FBXW10: variants seen among roughly 807,000 people sequenced by gnomAD.
FBXW10 encodes F-box/WD repeat-containing protein 10.
A neutral mutation model predicts 113.1 loss-of-function variants in FBXW10; 68 were observed. The ratio of observed to expected loss-of-function variants is 0.60; its 90% CI spans 0.49 to 0.74. FBXW10 has a LOEUF of 0.74. FBXW10 is among the 30% of genes least tolerant of loss of function. FBXW10 has a pLI of 0.00. For synonymous variants in FBXW10, 289 were observed against 481.6 expected, an observed-to-expected ratio of 0.60 and a Z score of 5.24; for missense variants, 753 against 1,284.5, an observed-to-expected ratio of 0.59 and a Z score of 6.32.
At chr17:18,766,068 C>T (rs1375485028) in intron 8 of FBXW10, among the ~76,000 whole-genome samples, 2 of 152,156 alleles carry the variant, frequency 1.3e-5, no homozygotes, top group Non-Finnish European at 2.9e-5. Flanking sequence ...GCCACCCACC[C>T]ACCCACTCTC....
intron 1 of FBXW10, among the ~76,000 whole-genome samples, chr17:18,746,118 C>T (rs2035034238): frequency 6.6e-6 from 1 of 152,074 alleles, no homozygotes; most frequent in African/African-American, 2.4e-5. Flanking sequence ...CCAGCTCTTG[C>T]TCGAACTATA....
At chr17:18,759,918 G>C (rs1394777541) in intron 7 of FBXW10, among the ~76,000 whole-genome samples, 2 of 152,048 alleles carry the variant, frequency 1.3e-5, no homozygotes, top group African/African-American at 2.4e-5. Context: ...CCGGGCCCTT[G>C]TTTCTAGTTT....
intron 7 of FBXW10, among the ~76,000 whole-genome samples, chr17:18,762,280 G>A (rs551456563): frequency 6.0e-5 from 9 of 149,034 alleles, no homozygotes; most frequent in African/African-American, 2.2e-4. Flanking sequence ...GTTTTTCTAC[G>A]TAGACAATCC....
At chr17:18,772,812 ATAAATCC>A in intron 12 of FBXW10, 129 bp downstream of exon 12, 1 of 755,424 alleles carries the variant, frequency 1.3e-6, no homozygotes, top group Non-Finnish European at 2.2e-6. Context: ...TCCTGAGGAT[ATAAATCC>A]TAACCCTCCA....
At chr17:18,746,640 G>A (rs2035042666) in intron 1 of FBXW10, among the ~76,000 whole-genome samples, 1 of 152,158 alleles carries the variant, frequency 6.6e-6, no homozygotes. Context: ...AAGTTAGACT[G>A]GAGATCAACC....
At chr17:18,760,632 C>T (rs1335416367) in intron 7 of FBXW10, among the ~76,000 whole-genome samples, 4 of 152,208 alleles carry the variant, frequency 2.6e-5, no homozygotes, top group South Asian at 2.1e-4. Flanking sequence ...GGAGAAACCC[C>T]GTCTCTACTA....
intron 13 of FBXW10, among the ~76,000 whole-genome samples, chr17:18,775,781 G>A (rs1257305471): frequency 2.0e-5 from 3 of 152,098 alleles, no homozygotes; most frequent in African/African-American, 4.8e-5. Context: ...TAATTCCAGT[G>A]CTTTGGGAGA....
At chr17:18,756,340 G>A (rs527434565) in intron 6 of FBXW10, among the ~76,000 whole-genome samples, 186 bp downstream of exon 6, 2 of 152,290 alleles carry the variant, frequency 1.3e-5, no homozygotes, top group South Asian at 2.1e-4. Context: ...CTTGGCAGTG[G>A]GTAAAGGACA....
At chr17:18,778,036 G>C (rs2035734696) in intron 13 of FBXW10, among the ~76,000 whole-genome samples, 2 of 151,568 alleles carry the variant, frequency 1.3e-5, no homozygotes. Flanking sequence ...GGATCACGAG[G>C]TCAGGAGATC....
At chr17:18,764,502 C>T (rs567087323) in intron 7 of FBXW10, among the ~76,000 whole-genome samples, 2 of 152,144 alleles carry the variant, frequency 1.3e-5, no homozygotes, top group East Asian at 1.9e-4. Flanking sequence ...GCCTGACCAA[C>T]GACTCTTATT....
chr17:18,775,204 G>C lies in FBXW10; in HGVS notation c.2335+12G>C. 1 of 1,584,110 alleles carries C rather than the reference G, an allele frequency of 6.3e-7. No individual in the cohort carries two copies. The highest frequency in any genetic ancestry group is 8.7e-7 in the Non-Finnish European group (1 of 1,152,726). On this transcript the variant is annotated intron_variant, in intron 13 of 13. Coordinates refer to ENST00000395665, the MANE Select transcript of FBXW10 (RefSeq NM_001267585.2). ...ACCCCGAAGAGATGGTAAGAAGAGAGTTTATTCTGTTCATAAGGGAACAAG... is the reference window on the plus strand; with the variant it reads ...ACCCCGAAGAGATGGTAAGAAGAGACTTTATTCTGTTCATAAGGGAACAAG...
At chr17:18,747,296 C>T (rs771093921) in intron 1 of FBXW10, among the ~76,000 whole-genome samples, 3 of 152,124 alleles carry the variant, frequency 2.0e-5, no homozygotes, top group Non-Finnish European at 4.4e-5. Context: ...CGCAGTGGCT[C>T]ACGCTTGTAA....
Position 18,766,826 on chromosome 17 carries a change from G to A in FBXW10, c.1668G>A (p.Val556=). 1 of 1,611,334 alleles carries A rather than the reference G, an allele frequency of 6.2e-7. No homozygotes were observed. The highest frequency in any genetic ancestry group is 1.3e-5 in the African/African-American group (1 of 75,004). Residue 556 remains valine (V), a synonymous_variant, in exon 9 of 14, where the codon GTG becomes GTA. Coordinates refer to ENST00000395665, the MANE Select transcript of FBXW10 (RefSeq NM_001267585.2). ...TGAGCAGCTGTGAGCGAGGGCTGGT[G>A]AAAGTGTGGCACATTGCCATGGCCC... ...YIVSSCERGL[V]KVWHIAMAQL...
chr17:18,768,814 C>T (rs2035554143), intron 10 of FBXW10, 138 bp downstream of exon 10: 2 of 899,044 alleles, frequency 2.2e-6, no homozygotes, highest in Non-Finnish European at 3.4e-6. Context: ...TGCTTCCCTC[C>T]TCTTCCACCT....
intron 13 of FBXW10, 56 bp downstream of exon 13, chr17:18,775,248 G>A: frequency 8.4e-7 from 1 of 1,183,916 alleles, no homozygotes; most frequent in South Asian, 1.3e-5. Context: ...ATGGTGGGCA[G>A]GAGAATTTGG....
chr17:18,751,116 GCTGAGGTCCAGA>G (rs2151794277), intron 5 of FBXW10, 63 bp downstream of exon 5: 1 of 1,607,368 alleles, frequency 6.2e-7, no homozygotes, highest in East Asian at 2.2e-5. Flanking sequence ...GTCATTGAAG[GCTGAGGTCCAGA>G]CTCAGCCCTG....
At chr17:18,759,187 T>C (rs1395051365) in intron 7 of FBXW10, among the ~76,000 whole-genome samples, 2 of 152,020 alleles carry the variant, frequency 1.3e-5, no homozygotes, top group Middle Eastern at 3.4e-3. Context: ...ACCACATATG[T>C]ATATTTTTAA....
chr17:18,775,283 A>G, intron 13 of FBXW10, 91 bp downstream of exon 13: 2 of 817,426 alleles, frequency 2.4e-6, no homozygotes, highest in South Asian at 2.9e-5. Context: ...GCAGGAGATA[A>G]GACAAAAAGT....
rs2035634994 is a variant in FBXW10, at chr17:18,772,536, A to T, written c.2131A>T (p.Ser711Cys). Reference sequence around the variant, plus strand: ...GAAAGAGGAGGAAAAAGAAGAAAATAGTCTCATGGAAATTCTCTCTAAGTG... The same window carrying T: ...GAAAGAGGAGGAAAAAGAAGAAAATTGTCTCATGGAAATTCTCTCTAAGTG... ...KEKEEEKEENSLMEILSKCNI... is the reference protein window; with the variant it reads ...KEKEEEKEENCLMEILSKCNI... The change falls in exon 12 of 14, where the codon AGT becomes TGT. Residue 711 changes from serine (S) to cysteine (C), a missense_variant. Ser to Cys is a moderately radical substitution (Grantham distance 112, BLOSUM62 -1). Transcript: ENST00000395665. 1 of 1,614,000 alleles carries T rather than the reference A, an allele frequency of 6.2e-7. No individual in the cohort carries two copies. The highest frequency in any genetic ancestry group is 8.5e-7 in the Non-Finnish European group (1 of 1,179,958).
Sources: allele counts gnomAD v4.1 joint callset (sites outside exome capture counted in the v4.1 genomes callset), GRCh38; gene constraint gnomAD v4.1.1; transcripts MANE v1.5; gene names NCBI Gene and HGNC (gene_info 2026-07-23, HGNC 2026-07-21).